The following CHCHD3 variants were observed in gnomAD, a reference collection of about 807,000 sequenced individuals.
CHCHD3 encodes MICOS complex subunit MIC19.
CHCHD3 carries 20 observed loss-of-function variants against 38.2 expected under a neutral mutation model. That is an observed-to-expected ratio of 0.52 (90% CI 0.37 to 0.76). The LOEUF (loss-of-function observed/expected upper bound fraction) is 0.76. Ranked by LOEUF, CHCHD3 falls within the 30% of genes least tolerant of loss-of-function variation. The probability of loss-of-function intolerance (pLI) is 0.00; values close to 1 mark genes in which losing one functional copy is unlikely to be tolerated. For synonymous variants in CHCHD3, 82 were observed against 100.0 expected (o/e 0.82, Z 1.07); for missense variants, 245 against 279.2 (o/e 0.88, Z 0.87).
At chr7:133,054,536 T>C (rs1814256796) in intron 2 of CHCHD3, among the ~76,000 whole-genome samples, 1 of 152,144 alleles carries the variant, frequency 6.6e-6, no homozygotes, top group African/African-American at 2.4e-5. Context: ...TTGTTAAAAT[T>C]TGACAAAATT....
At chr7:132,850,449 T>G (rs80047428) in intron 5 of CHCHD3, among the ~76,000 whole-genome samples, 9 of 35,036 alleles carry the variant, frequency 2.6e-4, no homozygotes, top group African/African-American at 6.7e-4. Flanking sequence ...TTTTTTTTTT[T>G]GTTTTTTTTT....
chr7:132,874,758 G>T (rs1045418871), intron 5 of CHCHD3, among the ~76,000 whole-genome samples: 1 of 152,124 alleles, frequency 6.6e-6, no homozygotes, highest in Non-Finnish European at 1.5e-5. Context: ...ATGCAAGCTT[G>T]AATCAATGGA....
At chr7:132,853,152 T>C (rs1370405846) in intron 5 of CHCHD3, among the ~76,000 whole-genome samples, 1 of 152,076 alleles carries the variant, frequency 6.6e-6, no homozygotes, top group Non-Finnish European at 1.5e-5. Flanking sequence ...CACATCTCTC[T>C]AAGTGAATAA....
intron 5 of CHCHD3, among the ~76,000 whole-genome samples, chr7:132,866,408 A>G (rs1808626603): frequency 6.6e-6 from 1 of 152,234 alleles, no homozygotes; most frequent in Non-Finnish European, 1.5e-5. Flanking sequence ...GGAAAGGTTT[A>G]ATTAAGTAAC....
intron 3 of CHCHD3, among the ~76,000 whole-genome samples, chr7:133,013,548 T>TA (rs1339370641): frequency 3.3e-5 from 5 of 152,324 alleles, no homozygotes; most frequent in South Asian, 2.1e-4. Context: ...AATGATTACT[T>TA]ACTATTACAT....
At chr7:132,916,673 G>A (rs1462368254) in intron 4 of CHCHD3, among the ~76,000 whole-genome samples, 6 of 152,046 alleles carry the variant, frequency 3.9e-5, no homozygotes, top group East Asian at 1.9e-4. Context: ...CTCAACCTCC[G>A]GGGCTTCAAG....
In CHCHD3 at chr7:132,796,443, T is replaced by G. The variant is rs542659275; in HGVS notation, c.659A>C (p.Gln220Pro). ...CAGTGGCCTGGCTGGCACACCTACCTGTTTGGCATGATTGACACAGTGCAT... is the reference window on the plus strand; with the variant it reads ...CAGTGGCCTGGCTGGCACACCTACCGGTTTGGCATGATTGACACAGTGCAT... ...QYMHCVNHAK[Q>P]SMLEKGG The change falls in exon 7 of 8, where the codon CAG becomes CCG. Residue 220 changes from glutamine (Q) to proline (P), a missense_variant and splice_region_variant. Transcript: ENST00000262570. 1.9e-6 allele frequency: 3 copies of G among 1,613,704 alleles called. No individual in the cohort carries two copies. The highest frequency in any genetic ancestry group is 3.3e-5 in the Admixed American group (2 of 60,018).
intron 2 of CHCHD3, among the ~76,000 whole-genome samples, chr7:133,057,287 C>T (rs560916858): frequency 6.6e-6 from 1 of 152,296 alleles, no homozygotes; most frequent in East Asian, 1.9e-4. Context: ...TCAGGCCAGG[C>T]TCAATGGCTC....
intron 3 of CHCHD3, among the ~76,000 whole-genome samples, chr7:133,017,844 G>A (rs1259985377): frequency 6.6e-6 from 1 of 152,088 alleles, no homozygotes; most frequent in Non-Finnish European, 1.5e-5. Flanking sequence ...TATCACTGTT[G>A]GTTATAAAAA....
rs1164134143 is a variant in CHCHD3 at position 132,985,090 on chromosome 7, G to A, written c.252-9804C>T. Reference sequence around the variant, plus strand: ...AGGGAGGTGGGGGGGTTAGCCCCCCGTCCGGCCAGCCGCCCCATCCGGGAG... The same window carrying A: ...AGGGAGGTGGGGGGGTTAGCCCCCCATCCGGCCAGCCGCCCCATCCGGGAG... On this transcript the variant is annotated intron_variant, in intron 3 of 7. Coordinates refer to ENST00000262570, the MANE Select transcript of CHCHD3 (RefSeq NM_017812.4). Among the ~76,000 whole-genome samples the A allele has an allele frequency of 9.7e-5, 9 of 93,212 alleles. 3 individuals are homozygous for A. The highest frequency in any genetic ancestry group is 1.4e-4 in the Non-Finnish European group (6 of 43,896). The allele number at this position is 93,212 out of a possible 152,430, so 61.2% of individuals were successfully genotyped here.
chr7:132,876,143 C>G (rs1026046896), intron 5 of CHCHD3, among the ~76,000 whole-genome samples: 1 of 152,118 alleles, frequency 6.6e-6, no homozygotes, highest in Non-Finnish European at 1.5e-5. Context: ...TACGCATTGG[C>G]TGGTCTGCCT....
intron 4 of CHCHD3, among the ~76,000 whole-genome samples, chr7:132,962,398 C>T (rs1811343284): frequency 6.6e-6 from 1 of 152,156 alleles, no homozygotes; most frequent in Non-Finnish European, 1.5e-5. Flanking sequence ...AAGAGAACTA[C>T]ATTAACGACC....
At chr7:133,003,705 A>G (rs1812630466) in intron 3 of CHCHD3, among the ~76,000 whole-genome samples, 1 of 152,170 alleles carries the variant, frequency 6.6e-6, no homozygotes, top group Non-Finnish European at 1.5e-5. Context: ...ATGCTGACTC[A>G]AGCTCTTGCC....
intron 3 of CHCHD3, among the ~76,000 whole-genome samples, chr7:133,019,542 A>G (rs905822136): frequency 1.3e-5 from 2 of 152,222 alleles, no homozygotes; most frequent in Admixed American, 6.5e-5. Flanking sequence ...TAAACCACTC[A>G]TTATACCAGA....
intron 2 of CHCHD3, among the ~76,000 whole-genome samples, chr7:133,037,550 C>T (rs1301548393): frequency 6.6e-6 from 1 of 152,164 alleles, no homozygotes; most frequent in African/African-American, 2.4e-5. Flanking sequence ...CAGTGGCTCA[C>T]ACCTGTAATC....
intron 2 of CHCHD3, among the ~76,000 whole-genome samples, chr7:133,060,804 G>A (rs1002360428): frequency 1.3e-5 from 2 of 152,120 alleles, no homozygotes; most frequent in Non-Finnish European, 2.9e-5. Flanking sequence ...CAGTTACTCG[G>A]GAGGCTGAGG....
chr7:132,974,047 T>G, intron 4 of CHCHD3: 1 of 1,273,706 alleles, frequency 7.9e-7, no homozygotes, highest in Non-Finnish European at 1.0e-6. Context: ...AATAAGAAAT[T>G]GCTTAATAAA....
chr7:132,893,476 T>C (rs1358462514), intron 4 of CHCHD3, among the ~76,000 whole-genome samples: 2 of 152,176 alleles, frequency 1.3e-5, no homozygotes, highest in African/African-American at 4.8e-5. Context: ...ACTTGGACTT[T>C]TGGGTTAATG....
intron 5 of CHCHD3, among the ~76,000 whole-genome samples, chr7:132,852,153 G>T (rs543807348): frequency 6.6e-6 from 1 of 152,302 alleles, no homozygotes; most frequent in East Asian, 1.9e-4. Flanking sequence ...TGCTGATTTG[G>T]ATGATATTGG....
Sources: allele counts gnomAD v4.1 joint callset (sites outside exome capture counted in the v4.1 genomes callset), GRCh38; gene constraint gnomAD v4.1.1; transcripts MANE v1.5; gene names NCBI Gene and HGNC (gene_info 2026-07-23, HGNC 2026-07-21).